The following TRIO variants were observed in gnomAD, a reference collection of about 807,000 sequenced individuals.
TRIO encodes trio Rho guanine nucleotide exchange factor, also known as triple functional domain protein.
TRIO carries 58 observed loss-of-function variants against 351.9 expected under a neutral mutation model. The observed-to-expected ratio is 0.16, with a 90% confidence interval of 0.13 to 0.21. TRIO has a LOEUF of 0.21. Ranked by LOEUF, TRIO falls within the 10% of genes least tolerant of loss-of-function variation. The pLI, the probability that TRIO is intolerant of heterozygous loss-of-function variation, is 1.00. For synonymous variants in TRIO, 1,758 were observed against 1,595.7 expected, an observed-to-expected ratio of 1.10 and a Z score of -2.42; for missense variants, 3,201 against 4,027.8, an observed-to-expected ratio of 0.79 and a Z score of 5.56.
intron 8 of TRIO, among the ~76,000 whole-genome samples, chr5:14,310,214 A>G (rs1029857474): frequency 6.6e-6 from 1 of 152,238 alleles, no homozygotes; most frequent in African/African-American, 2.4e-5. Flanking sequence ...CAGTTTTTCA[A>G]CAAACTGAAT....
At chr5:14,202,174 A>G (rs778528260) in intron 1 of TRIO, among the ~76,000 whole-genome samples, 2 of 152,014 alleles carry the variant, frequency 1.3e-5, no homozygotes, top group Non-Finnish European at 2.9e-5. Flanking sequence ...TGAAAACAGC[A>G]TATAGCATAT....
At chr5:14,384,443 GT>G in intron 21 of TRIO, among the ~76,000 whole-genome samples, 1 of 152,240 alleles carries the variant, frequency 6.6e-6, no homozygotes, top group South Asian at 2.1e-4. Context: ...AAGTTGTTCA[GT>G]TAAAATGTTT....
intron 34 of TRIO, among the ~76,000 whole-genome samples, chr5:14,423,662 G>A (rs567553927): frequency 1.1e-3 from 162 of 152,312 alleles, no homozygotes; most frequent in Non-Finnish European, 2.1e-3. Flanking sequence ...AAGCAAAATA[G>A]TGTTGTCACA....
chr5:14,254,222 C>CA (rs1794904738), intron 1 of TRIO, among the ~76,000 whole-genome samples: 2 of 147,450 alleles, frequency 1.4e-5, no homozygotes, highest in South Asian at 4.3e-4. Context: ...CTTGCTTTGT[C>CA]ACCCAGGCTG....
At chr5:14,357,689 C>A (rs538852162) in intron 11 of TRIO, among the ~76,000 whole-genome samples, 5 of 152,104 alleles carry the variant, frequency 3.3e-5, no homozygotes, top group Non-Finnish European at 7.4e-5. Flanking sequence ...GTGGTGAATT[C>A]CTCTCATCAC....
intron 42 of TRIO, 46 bp downstream of exon 42, chr5:14,479,396 C>A: frequency 1.3e-6 from 2 of 1,512,784 alleles, no homozygotes; most frequent in South Asian, 1.2e-5. Context: ...ATCTTTTGTT[C>A]CAACTTATTT....
At chr5:14,278,217 T>C (rs1735707284) in intron 2 of TRIO, among the ~76,000 whole-genome samples, 1 of 152,206 alleles carries the variant, frequency 6.6e-6, no homozygotes, top group Non-Finnish European at 1.5e-5. Flanking sequence ...TGTCAAAACT[T>C]CTGCACAGAG....
intron 9 of TRIO, among the ~76,000 whole-genome samples, chr5:14,319,910 T>C (rs778489400): frequency 5.3e-5 from 8 of 152,180 alleles, no homozygotes; most frequent in Non-Finnish European, 1.0e-4. Context: ...ATAACTTCTG[T>C]GTAGAAGGCA....
chr5:14,260,937 G>A lies in TRIO; in HGVS notation c.158-9888G>A, dbSNP rs988479181. Among the ~76,000 whole-genome samples the A allele has an allele frequency of 1.2e-4, 19 of 152,236 alleles. 1 individual carries two copies. The highest frequency in any genetic ancestry group is 1.0e-4 in the Non-Finnish European group (7 of 68,048). ...CAACACAGAATACTGGAGTAGAGGG[G>A]ATTGGTAGGCATTTGTTGGTGAGCA... On this transcript the variant is annotated intron_variant, in intron 1 of 56. Coordinates refer to ENST00000344204, the MANE Select transcript of TRIO (RefSeq NM_007118.4).
chr5:14,219,226 C>G (rs1792430907), intron 1 of TRIO, among the ~76,000 whole-genome samples: 3 of 85,848 alleles, frequency 3.5e-5, no homozygotes. Flanking sequence ...GATTTGCTTT[C>G]TTTTTCTATA....
At position 14,495,857 on chromosome 5, in the gene TRIO, A is replaced by G. The variant is rs560096498; in HGVS notation, c.7881-1022A>G. Among the ~76,000 whole-genome samples the G allele has an allele frequency of 3.9e-5, 6 of 152,014 alleles. No homozygotes were observed. In the East Asian group the frequency reaches 9.7e-4, roughly 25 times the overall value. On this transcript the variant is annotated intron_variant, in intron 49 of 56. Coordinates refer to ENST00000344204, the MANE Select transcript of TRIO (RefSeq NM_007118.4). ...GTGGCAGGCGCCTGTAGTCCCAGTT[A>G]CTTGGGAGGCTGAGGCAGGAGAATA...
chr5:14,442,967 CAA>C (rs1221033603), intron 34 of TRIO, among the ~76,000 whole-genome samples: 11 of 152,132 alleles, frequency 7.2e-5, no homozygotes, highest in African/African-American at 2.4e-4. Flanking sequence ...TTTTAATGAA[CAA>C]TTTTTCTAAA....
chr5:14,167,234 G>A (rs1024857334), intron 1 of TRIO, among the ~76,000 whole-genome samples: 2 of 151,648 alleles, frequency 1.3e-5, no homozygotes, highest in African/African-American at 2.4e-5. Context: ...AGTAACTCTG[G>A]GGGGAAGATG....
rs750455503 is a variant in TRIO at position 14,498,617 on chromosome 5, C to T, written c.8309C>T (p.Ser2770Leu). 21 of 1,613,998 alleles carry T rather than the reference C, an allele frequency of 1.3e-5. No individual in the cohort carries two copies. Among genetic ancestry groups the T allele is most frequent in the Middle Eastern group, 1.6e-4 (1 of 6,062 alleles). ...GTCAATGACATGGGTTCAGCCTCATCGTCGGCCAGCCTGAGGGTCCTAGGT... is the reference window on the plus strand; with the variant it reads ...GTCAATGACATGGGTTCAGCCTCATTGTCGGCCAGCCTGAGGGTCCTAGGT... ...IAVNDMGSAS[S>L]SASLRVLGPG... is the part of the protein sequence containing the mutation. The change falls in exon 53 of 57, where the codon TCG becomes TTG. Residue 2770 changes from serine (S) to leucine (L), a missense_variant. This residue lies in a region of TRIO where 1,089 missense variants were observed against 954.9 expected (regional missense o/e 1.14). Coordinates refer to ENST00000344204, the MANE Select transcript of TRIO (RefSeq NM_007118.4).
chr5:14,450,908 A>C (rs1006033577), intron 34 of TRIO, among the ~76,000 whole-genome samples: 28 of 152,244 alleles, frequency 1.8e-4, no homozygotes, highest in African/African-American at 6.0e-4. Context: ...AGAGGAACAA[A>C]TTAAGACTCA....
chr5:14,460,887 C>A, intron 34 of TRIO, 132 bp from the exon 35 acceptor site: 3 of 1,062,094 alleles, frequency 2.8e-6, no homozygotes, highest in Non-Finnish European at 4.0e-6. Flanking sequence ...TCATCTCACA[C>A]CCCGTAGGCA....
intron 1 of TRIO, among the ~76,000 whole-genome samples, chr5:14,245,754 G>A (rs568992477): frequency 3.9e-5 from 6 of 152,350 alleles, no homozygotes; most frequent in South Asian, 2.1e-4. Context: ...AAGGGCAGGC[G>A]TAGATATTCT....
intron 34 of TRIO, among the ~76,000 whole-genome samples, chr5:14,427,354 G>A (rs1750733288): frequency 6.6e-6 from 1 of 152,262 alleles, no homozygotes; most frequent in South Asian, 2.1e-4. Context: ...TGGCACAGAT[G>A]AGACATTCAC....
intron 10 of TRIO, among the ~76,000 whole-genome samples, chr5:14,331,780 A>G (rs1223792311): frequency 6.6e-6 from 1 of 152,186 alleles, no homozygotes; most frequent in East Asian, 1.9e-4. Context: ...CTTCCTCGTA[A>G]CTAATTTGAA....
Sources: allele counts gnomAD v4.1 joint callset (sites outside exome capture counted in the v4.1 genomes callset), GRCh38; gene constraint gnomAD v4.1.1; regional missense constraint gnomAD v4.1.1; transcripts MANE v1.5; gene names NCBI Gene and HGNC (gene_info 2026-07-23, HGNC 2026-07-21).